Variants in CECR2 observed in about 807,000 individuals in gnomAD.
CECR2 encodes CECR2 histone acetyl-lysine reader, also known as chromatin remodeling regulator CECR2.
A neutral mutation model predicts 154.5 loss-of-function variants in CECR2; 30 were observed. That is an observed-to-expected ratio of 0.19 (90% confidence interval 0.15 to 0.26). The LOEUF (loss-of-function observed/expected upper bound fraction) is 0.26. Among genes scored for constraint, CECR2 ranks in the 10% least tolerant of loss-of-function variants. The pLI is 1.00. For missense variants in CECR2, 1,743 were observed against 1,829.3 expected (o/e 0.95, Z 0.86); for synonymous variants, 725 against 683.7 (o/e 1.06, Z -0.94).
intron 1 of CECR2, among the ~76,000 whole-genome samples, chr22:17,380,966 T>C (rs1236308317): frequency 6.6e-6 from 1 of 152,204 alleles, no homozygotes; most frequent in African/African-American, 2.4e-5. Flanking sequence ...TAGCAAATCC[T>C]TTCTCTTCTC....
intron 1 of CECR2, among the ~76,000 whole-genome samples, chr22:17,440,387 C>T (rs907596678): frequency 1.3e-5 from 2 of 152,170 alleles, no homozygotes; most frequent in South Asian, 2.1e-4. Context: ...AATTACTTGG[C>T]CTCTTTTTTG....
chr22:17,445,934 ATATG>A (rs1425321622), intron 1 of CECR2, among the ~76,000 whole-genome samples: 74 of 152,244 alleles, frequency 4.9e-4, no homozygotes, highest in African/African-American at 1.7e-3. Flanking sequence ...CTATAATGCT[ATATG>A]CATAGCTGTT....
At position 17,383,659 on chromosome 22, in the gene CECR2, T is replaced by G. The variant is rs1048866889; in HGVS notation, c.126+13750T>G. On this transcript the variant is annotated intron_variant, in intron 1 of 18. Transcript: ENST00000262608. The stretch of plus-strand genomic sequence containing the variant: ...ATTTAGTCACATCTTCAGGTCCACT[T>G]TTTTTTTTTTTTTTTTTTTTGAAGT... 3.0e-5 allele frequency among the ~76,000 whole-genome samples: 4 copies of G among 134,596 alleles called. No homozygotes were observed. In the East Asian group the frequency reaches 6.5e-4, roughly 22 times the overall value. 88.3% of individuals were successfully genotyped at this position (134,596 alleles called of 152,430 possible).
At chr22:17,449,834 A>C (rs2054740408) in intron 1 of CECR2, among the ~76,000 whole-genome samples, 1 of 152,152 alleles carries the variant, frequency 6.6e-6, no homozygotes, top group South Asian at 2.1e-4. Context: ...TCTGTACTTC[A>C]GTGTCTGGAC....
chr22:17,402,002 G>A (rs1478787175), intron 1 of CECR2, among the ~76,000 whole-genome samples: 1 of 151,936 alleles, frequency 6.6e-6, no homozygotes, highest in Non-Finnish European at 1.5e-5. Flanking sequence ...TTTTTTATTG[G>A]AGACAGAGTC....
intron 1 of CECR2, among the ~76,000 whole-genome samples, chr22:17,464,377 A>G (rs1188027326): frequency 6.6e-6 from 1 of 152,242 alleles, no homozygotes; most frequent in African/African-American, 2.4e-5. Flanking sequence ...TCTGACGAGT[A>G]GGGGTTTGAC....
chr22:17,368,558 A>C (rs2063016771), upstream of CECR2, among the ~76,000 whole-genome samples: 1 of 152,170 alleles, frequency 6.6e-6, no homozygotes, highest in African/African-American at 2.4e-5. Flanking sequence ...TTTCTAAAGC[A>C]CACACTCCAA....
chr22:17,482,496 C>T (rs1285178899), intron 2 of CECR2, among the ~76,000 whole-genome samples: 4 of 152,034 alleles, frequency 2.6e-5, no homozygotes, highest in African/African-American at 7.2e-5. Flanking sequence ...TTTACTGTGC[C>T]GTACTTTAAA....
intron 9 of CECR2, among the ~76,000 whole-genome samples, chr22:17,534,958 G>A (rs1302565660): frequency 1.3e-5 from 2 of 150,378 alleles, no homozygotes. Context: ...AGACCATCCT[G>A]GCTAACACAG....
intron 1 of CECR2, among the ~76,000 whole-genome samples, chr22:17,422,745 C>T (rs1234006200): frequency 1.3e-5 from 2 of 150,904 alleles, no homozygotes; most frequent in African/African-American, 4.9e-5. Flanking sequence ...TGTATTGATA[C>T]ATCCTTAAGC....
intron 1 of CECR2, among the ~76,000 whole-genome samples, chr22:17,378,268 C>G (rs1015329732): frequency 2.7e-5 from 4 of 149,202 alleles, no homozygotes; most frequent in Non-Finnish European, 5.9e-5. Flanking sequence ...CAGGTGTGAG[C>G]CACCGCGCTG....
At chr22:17,448,817 A>G (rs1173222025) in intron 1 of CECR2, among the ~76,000 whole-genome samples, 3 of 152,076 alleles carry the variant, frequency 2.0e-5, no homozygotes, top group Non-Finnish European at 4.4e-5. Flanking sequence ...CCGTCCTCCT[A>G]ATACTGTCAG....
chr22:17,419,519 AGAAGAAGAAGAG>A (rs1283267083), intron 1 of CECR2: 16 of 179,102 alleles, frequency 8.9e-5, no homozygotes, highest in African/African-American at 1.5e-4. Context: ...AGGAAGAAGA[AGAAGAAGAAGAG>A]GAAGAGGAAG....
chr22:17,383,657 CTTTTTTTT>C (rs57665657), intron 1 of CECR2, among the ~76,000 whole-genome samples: 25 of 104,310 alleles, frequency 2.4e-4, no homozygotes, highest in East Asian at 5.2e-4. Flanking sequence ...TTCAGGTCCA[CTTTTTTTT>C]TTTTTTTTTT....
intron 8 of CECR2, chr22:17,518,878 T>C (rs2056107337): frequency 8.2e-6 from 2 of 243,934 alleles, no homozygotes; most frequent in South Asian, 5.9e-5. Context: ...CTTAGTATCC[T>C]TCCTTCTCCC....
chr22:17,532,216 G>T (rs1162657117), intron 9 of CECR2, among the ~76,000 whole-genome samples: 1 of 152,128 alleles, frequency 6.6e-6, no homozygotes, highest in Admixed American at 6.6e-5. Context: ...TTTTTTATTA[G>T]TTCCTTAGGG....
At chr22:17,412,908 A>T (rs191921921) in intron 1 of CECR2, among the ~76,000 whole-genome samples, 25 of 152,164 alleles carry the variant, frequency 1.6e-4, no homozygotes, top group African/African-American at 4.8e-4. Context: ...TTCTTTGAAG[A>T]CGATGCTGCT....
At chr22:17,364,559 C>T (rs1415045778), upstream of CECR2, among the ~76,000 whole-genome samples, 1 of 151,922 alleles carries the variant, frequency 6.6e-6, no homozygotes, top group African/African-American at 2.4e-5. Context: ...CGCCTTGTAA[C>T]CCTGCTCACT....
intron 1 of CECR2, among the ~76,000 whole-genome samples, chr22:17,422,761 G>A (rs915022690): frequency 2.6e-5 from 4 of 151,376 alleles, no homozygotes; most frequent in Non-Finnish European, 5.9e-5. Flanking sequence ...TAAGCTCAGA[G>A]ATTATTCTTT....
Sources: allele counts gnomAD v4.1 joint callset (sites outside exome capture counted in the v4.1 genomes callset), GRCh38; gene constraint gnomAD v4.1.1; transcripts MANE v1.5; gene names NCBI Gene and HGNC (gene_info 2026-07-23, HGNC 2026-07-21).